DOK7: variants seen among roughly 807,000 people sequenced by gnomAD.
The protein encoded by DOK7 is protein Dok-7.
A neutral mutation model predicts 30.7 loss-of-function variants in DOK7; 32 were observed. The observed-to-expected ratio is 1.04, with a 90% CI of 0.79 to 1.40. The LOEUF (loss-of-function observed/expected upper bound fraction) is 1.40, where lower values mean the gene tolerates loss of function less well. DOK7 is among the 40% of genes most tolerant of loss of function. DOK7 has a pLI of 0.00. For missense variants in DOK7, 1,007 were observed against 699.2 expected (o/e 1.44, Z -4.97); for synonymous variants, 447 against 324.1 (o/e 1.38, Z -4.07).
intron 4 of DOK7, among the ~76,000 whole-genome samples, chr4:3,481,602 T>G (rs1446156676): frequency 6.6e-6 from 1 of 151,982 alleles, no homozygotes; most frequent in Non-Finnish European, 1.5e-5. Flanking sequence ...CCTTGGGGGA[T>G]GGAGAGGGCT....
downstream of DOK7, chr4:3,496,950 AT>A: frequency 1.3e-5 from 1 of 79,242 alleles, no homozygotes; most frequent in African/African-American, 1.4e-4. Flanking sequence ...GTTTGACTAG[AT>A]GGGGAGGGGG....
At chr4:3,499,805 G>A (rs1729102511) in intron 6 of DOK7, among the ~76,000 whole-genome samples, 2 of 151,978 alleles carry the variant, frequency 1.3e-5, no homozygotes, top group African/African-American at 4.8e-5. Flanking sequence ...GTGAGGGGGA[G>A]GTGCTGGGGG....
intron 2 of DOK7, among the ~76,000 whole-genome samples, chr4:3,468,911 G>A (rs1430314526): frequency 2.8e-5 from 4 of 140,734 alleles, no homozygotes; most frequent in Admixed American, 7.0e-5. Flanking sequence ...ATGTCTGTGT[G>A]TGTATGTGTG....
intron 6 of DOK7, 78 bp from the exon 7 acceptor site, chr4:3,492,681 G>T: frequency 1.9e-6 from 3 of 1,585,470 alleles, no homozygotes; most frequent in Non-Finnish European, 2.6e-6. Flanking sequence ...TGGCCTGTGG[G>T]GGTCCACCAG....
At position 3,486,364 on chromosome 4, in the gene DOK7, G is replaced by A. The variant is rs548240876; in HGVS notation, c.652+706G>A. ...GCTCCTCTTGCTCCACGAGGGCAGC[G>A]CTTGACCCAACGTCCAAGTGAGGCC... On this transcript the variant is annotated intron_variant, in intron 5 of 6. Transcript: ENST00000340083. 4.6e-5 allele frequency among the ~76,000 whole-genome samples: 7 copies of A among 152,362 alleles called. No individual in the cohort carries two copies. The South Asian group carries it at 6.2e-4, about 14-fold the overall frequency.
chr4:3,500,687 T>C, intron 7 of DOK7: 1 of 1,534,690 alleles, frequency 6.5e-7, no homozygotes, highest in South Asian at 1.2e-5. Context: ...ACAGAATTCT[T>C]TCAGGGGCTG....
chr4:3,483,451 C>T (rs1463597692), intron 4 of DOK7, among the ~76,000 whole-genome samples: 2 of 152,146 alleles, frequency 1.3e-5, no homozygotes, highest in Non-Finnish European at 2.9e-5. Flanking sequence ...AGATGGGCAT[C>T]TTCCTCCAGG....
rs984773013 is a variant in DOK7 at position 3,493,726 on chromosome 4, T to C, written c.*225T>C. 3.0e-5 allele frequency: 42 copies of C among 1,423,202 alleles called. No individual in the cohort carries two copies. The Middle Eastern group carries it at 1.8e-3, about 62-fold the overall frequency. The allele number at this position is 1,423,202 out of a possible 1,614,324, so 88.2% of individuals were successfully genotyped here. A position where few individuals can be genotyped will look rare whatever the true frequency, so the allele number is the denominator to read the frequency against. Reference sequence around the variant, plus strand: ...AGGCAGGGGCTCTGGGTCCGGCAGGTCGGGGTCACCAGAGCCCCAATGCTC... The same window carrying C: ...AGGCAGGGGCTCTGGGTCCGGCAGGCCGGGGTCACCAGAGCCCCAATGCTC... On this transcript the variant is annotated 3_prime_UTR_variant, in exon 7 of 7. Coordinates refer to ENST00000340083, the MANE Select transcript of DOK7 (RefSeq NM_173660.5).
chr4:3,476,170 C>CCA lies in DOK7; in HGVS notation c.332-171_332-170insAC, dbSNP rs1312484039. ...CCCGCCTGACCGTGATGCCCTCTCG[C>CCA]CCCGCCCACCCTCGATGCCCTCTCA... On this transcript the variant is annotated intron_variant, in intron 3 of 6. Transcript: ENST00000340083. Among the ~76,000 whole-genome samples, 72 of 142,788 alleles carry CCA rather than the reference C, an allele frequency of 5.0e-4. 2 individuals are homozygous for CCA. Among genetic ancestry groups the CCA allele is most frequent in the Non-Finnish European group, 7.0e-4 (45 of 63,950 alleles). 93.7% of individuals were successfully genotyped at this position (142,788 alleles called of 152,430 possible).
rs552259729 is a variant in DOK7, at chr4:3,492,517, C to T, written c.773-242C>T. The stretch of plus-strand genomic sequence containing the variant: ...TGGCAGGGGTGCTGAGAGGGAGGGG[C>T]GCAGGCCGTAGGAGAACAGGTGGCA... On this transcript the variant is annotated intron_variant, in intron 6 of 6. Transcript: ENST00000340083. Among the ~76,000 whole-genome samples the T allele has an allele frequency of 1.2e-4, 18 of 151,866 alleles. No individual in the cohort carries two copies. In the South Asian group the frequency reaches 1.5e-3, roughly 12 times the overall value.
chr4:3,473,040 G>A (rs1355357532), intron 2 of DOK7, among the ~76,000 whole-genome samples: 1 of 152,184 alleles, frequency 6.6e-6, no homozygotes, highest in Non-Finnish European at 1.5e-5. Context: ...CAGGCCCCAC[G>A]CTGGGCCCCC....
rs1726079112 is a variant in DOK7 at position 3,463,451 on chromosome 4, G to T, written c.54+22G>T. On this transcript the variant is annotated intron_variant, in intron 1 of 6. Coordinates refer to ENST00000340083, the MANE Select transcript of DOK7 (RefSeq NM_173660.5). Reference sequence around the variant, plus strand: ...GAAGGTCGGGGCGCGTCGGGGGCGCGGGGGGGGGGGGCGCGGGCGCGGGCG... The same window carrying T: ...GAAGGTCGGGGCGCGTCGGGGGCGCTGGGGGGGGGGGCGCGGGCGCGGGCG... 2.1e-4 allele frequency: 18 copies of T among 84,144 alleles called. No individual in the cohort carries two copies. Among genetic ancestry groups the T allele is most frequent in the Non-Finnish European group, 2.5e-4 (17 of 67,516 alleles). 5.2% of individuals were successfully genotyped at this position (84,144 alleles called of 1,614,324 possible).
chr4:3,468,914 T>C (rs1163993030), intron 2 of DOK7, among the ~76,000 whole-genome samples: 2 of 139,848 alleles, frequency 1.4e-5, no homozygotes, highest in Admixed American at 7.0e-5. Flanking sequence ...TCTGTGTGTG[T>C]ATGTGTGTAT....
chr4:3,499,850 G>T (rs959220356), intron 6 of DOK7, among the ~76,000 whole-genome samples: 8 of 152,150 alleles, frequency 5.3e-5, no homozygotes, highest in South Asian at 2.1e-4. Context: ...GCCCGGGAGG[G>T]TTAGGTAGAG....
At chr4:3,488,671 A>G (rs577417877) in intron 5 of DOK7, among the ~76,000 whole-genome samples, 1 of 152,158 alleles carries the variant, frequency 6.6e-6, no homozygotes, top group East Asian at 1.9e-4. Flanking sequence ...AGGTCCTTGG[A>G]CCTGTTTCGG....
At chr4:3,500,559 C>T in intron 7 of DOK7, 1 of 1,488,404 alleles carries the variant, frequency 6.7e-7, no homozygotes, top group Non-Finnish European at 9.0e-7. Flanking sequence ...CATCCCTGGC[C>T]AGGCCACATC....
chr4:3,487,017 G>A (rs757225608), intron 5 of DOK7, among the ~76,000 whole-genome samples: 1 of 152,144 alleles, frequency 6.6e-6, no homozygotes, highest in Non-Finnish European at 1.5e-5. Flanking sequence ...AGGCTCCACC[G>A]CAGGCAGCAC....
At chr4:3,476,219 TCGCCC>T in intron 3 of DOK7, 118 bp from the exon 4 acceptor site, 1 of 510,816 alleles carries the variant, frequency 2.0e-6, no homozygotes, top group Admixed American at 3.3e-5. Context: ...TGATGCCCTC[TCGCCC>T]CGCCTGCCCG....
chr4:3,493,818 C>G lies in DOK7; in HGVS notation c.*317C>G. On this transcript the variant is annotated 3_prime_UTR_variant, in exon 7 of 7. Transcript: ENST00000340083. ...AGTGCTGCACCTCTGTTGGCTCGTGCCTTGCACTGGGGTGCCAAGGGCTGG... is the reference window on the plus strand; with the variant it reads ...AGTGCTGCACCTCTGTTGGCTCGTGGCTTGCACTGGGGTGCCAAGGGCTGG... 7.9e-7 allele frequency: 1 copy of G among 1,263,740 alleles called. No individual in the cohort carries two copies. The highest frequency in any genetic ancestry group is 1.0e-6 in the Non-Finnish European group (1 of 1,003,300). The allele number at this position is 1,263,740 out of a possible 1,614,324, so 78.3% of individuals were successfully genotyped here. A position where few individuals can be genotyped will look rare whatever the true frequency, so the allele number is the denominator to read the frequency against.
Sources: gnomAD v4.1 joint callset for allele counts (sites outside exome capture counted in the v4.1 genomes callset) on GRCh38, gnomAD v4.1.1 for gene constraint, MANE v1.5 for transcripts, NCBI Gene and HGNC (gene_info 2026-07-23, HGNC 2026-07-21) for gene names.